MSI2: variants seen among roughly 807,000 people sequenced by gnomAD.
MSI2 encodes the protein musashi RNA binding protein 2, also known as RNA-binding protein Musashi homolog 2.
MSI2 carries 17 observed loss-of-function variants against 45.6 expected under a neutral mutation model. That is an observed-to-expected ratio of 0.37 (90% CI 0.26 to 0.56). The LOEUF (loss-of-function observed/expected upper bound fraction) is 0.56. Ranked by LOEUF, MSI2 falls within the 20% of genes least tolerant of loss-of-function variation. The probability of loss-of-function intolerance (pLI) is 0.77; values close to 1 mark genes in which losing one functional copy is unlikely to be tolerated. For synonymous variants in MSI2, 156 were observed against 158.2 expected (o/e 0.99, Z 0.11); for missense variants, 293 against 444.2 (o/e 0.66, Z 3.06).
At chr17:57,641,561 C>T (rs1342931290) in intron 10 of MSI2, among the ~76,000 whole-genome samples, 1 of 152,096 alleles carries the variant, frequency 6.6e-6, no homozygotes, top group Non-Finnish European at 1.5e-5. Context: ...TAAAAAGCAT[C>T]GGAACAGGGA....
At chr17:57,558,291 C>T (rs1013322968) in intron 7 of MSI2, among the ~76,000 whole-genome samples, 66 of 152,072 alleles carry the variant, frequency 4.3e-4, no homozygotes, top group African/African-American at 1.5e-3. Flanking sequence ...AAAATGGCCC[C>T]GAGAACAGTC....
At chr17:57,373,452 G>A (rs2083449734) in intron 5 of MSI2, among the ~76,000 whole-genome samples, 2 of 152,254 alleles carry the variant, frequency 1.3e-5, no homozygotes, top group South Asian at 4.1e-4. Flanking sequence ...AAGAACAAAG[G>A]CCGTGTGTTA....
chr17:57,288,391 TA>T (rs1910112241), intron 5 of MSI2, among the ~76,000 whole-genome samples: 1 of 152,222 alleles, frequency 6.6e-6, no homozygotes, highest in South Asian at 2.1e-4. Flanking sequence ...GTGTGCTGTT[TA>T]GCCTTCCAGG....
At chr17:57,504,593 T>G (rs553479662) in intron 6 of MSI2, among the ~76,000 whole-genome samples, 61 of 152,292 alleles carry the variant, frequency 4.0e-4, no homozygotes, top group African/African-American at 1.5e-3. Context: ...CCATCTTGTG[T>G]TAGGTCACAA....
intron 8 of MSI2, among the ~76,000 whole-genome samples, chr17:57,612,978 C>G (rs2144547215): frequency 6.6e-6 from 1 of 152,250 alleles, no homozygotes; most frequent in East Asian, 1.9e-4. Flanking sequence ...TCAGCCTGCT[C>G]CTCTGGAGTC....
intron 5 of MSI2, among the ~76,000 whole-genome samples, chr17:57,306,015 C>T (rs78893089): frequency 0.023 from 3,425 of 152,056 alleles, 122 homozygotes; most frequent in African/African-American, 0.077. Flanking sequence ...TGTTATGTGC[C>T]CCTAGGACAT....
intron 4 of MSI2, among the ~76,000 whole-genome samples, chr17:57,260,270 A>G (rs1480944096): frequency 2.6e-5 from 4 of 152,190 alleles, no homozygotes; most frequent in Non-Finnish European, 4.4e-5. Context: ...CTCAGCGTGT[A>G]AACTTTGCAC....
chr17:57,523,879 G>T (rs1458906877), intron 6 of MSI2, among the ~76,000 whole-genome samples: 1 of 152,120 alleles, frequency 6.6e-6, no homozygotes, highest in East Asian at 1.9e-4. Context: ...TGTTTTGGGG[G>T]ATTTTTTTAG....
intron 5 of MSI2, among the ~76,000 whole-genome samples, chr17:57,395,463 G>C (rs1437100420): frequency 1.3e-5 from 2 of 152,320 alleles, no homozygotes; most frequent in Non-Finnish European, 2.9e-5. Context: ...AGTAGTTATG[G>C]TAGTGATGAA....
intron 8 of MSI2, among the ~76,000 whole-genome samples, chr17:57,598,766 A>C (rs924655120): frequency 3.9e-5 from 6 of 152,078 alleles, no homozygotes; most frequent in Admixed American, 3.9e-4. Context: ...GGGCTCAAGC[A>C]ATTCTCCTGC....
At chr17:57,269,463 G>A (rs1908145692) in intron 5 of MSI2, among the ~76,000 whole-genome samples, 1 of 152,218 alleles carries the variant, frequency 6.6e-6, no homozygotes, top group African/African-American at 2.4e-5. Flanking sequence ...TAAGCTTAAT[G>A]CAGGCTATGT....
intron 11 of MSI2, among the ~76,000 whole-genome samples, chr17:57,673,041 C>T (rs2144744990): frequency 1.3e-5 from 2 of 152,354 alleles, no homozygotes; most frequent in Middle Eastern, 6.8e-3. Flanking sequence ...TTCTCAGCTA[C>T]AGCTTCAGAG....
downstream of MSI2, chr17:57,685,654 A>G (rs982460051): frequency 2.6e-5 from 4 of 152,292 alleles, no homozygotes; most frequent in African/African-American, 9.6e-5. Flanking sequence ...TCGAAGGTGC[A>G]TTCCTTTATC....
At chr17:57,664,500 A>G (rs766255293) in intron 11 of MSI2, among the ~76,000 whole-genome samples, 5 of 152,128 alleles carry the variant, frequency 3.3e-5, no homozygotes, top group Admixed American at 2.0e-4. Flanking sequence ...CCTGGGTGAC[A>G]TAGCAAGACT....
chr17:57,522,123 C>T (rs568965420), intron 6 of MSI2: 2 of 152,310 alleles, frequency 1.3e-5, no homozygotes, highest in South Asian at 4.1e-4. Context: ...CCACCACAGG[C>T]CCCAGGCACC....
intron 7 of MSI2, among the ~76,000 whole-genome samples, chr17:57,584,966 C>T (rs1001307355): frequency 7.9e-5 from 12 of 151,880 alleles, no homozygotes; most frequent in Non-Finnish European, 1.2e-4. Context: ...TACAGTCATG[C>T]GCCACCACTC....
chr17:57,436,170 G>C (rs2084687072), intron 6 of MSI2, among the ~76,000 whole-genome samples: 1 of 152,200 alleles, frequency 6.6e-6, no homozygotes, highest in African/African-American at 2.4e-5. Context: ...AGATGAACCT[G>C]GGGATGAATA....
At chr17:57,553,633 C>T (rs2087358198) in intron 7 of MSI2, among the ~76,000 whole-genome samples, 1 of 152,210 alleles carries the variant, frequency 6.6e-6, no homozygotes, top group South Asian at 2.1e-4. Flanking sequence ...TATCTCGGCT[C>T]TGAATCATCC....
intron 6 of MSI2, among the ~76,000 whole-genome samples, chr17:57,509,487 C>T (rs2086304731): frequency 6.6e-6 from 1 of 152,162 alleles, no homozygotes; most frequent in African/African-American, 2.4e-5. Flanking sequence ...ATGGTGTGAT[C>T]TTGGCTCACT....
Sources: allele counts gnomAD v4.1 joint callset (sites outside exome capture counted in the v4.1 genomes callset), GRCh38; gene constraint gnomAD v4.1.1; transcripts MANE v1.5; gene names NCBI Gene and HGNC (gene_info 2026-07-23, HGNC 2026-07-21).